The following ITGB1 variants were observed in gnomAD, a reference collection of about 807,000 sequenced individuals.
ITGB1 encodes integrin beta-1.
A neutral mutation model predicts 86.5 loss-of-function variants in ITGB1; 24 were observed. The observed-to-expected ratio is 0.28, with a 90% CI of 0.20 to 0.39. The LOEUF (loss-of-function observed/expected upper bound fraction) is 0.39, where lower values mean the gene tolerates loss of function less well. ITGB1 is among the 10% of genes least tolerant of loss of function. The pLI is 1.00. For synonymous variants in ITGB1, 323 were observed against 316.8 expected, an observed-to-expected ratio of 1.02 and a Z score of -0.21; for missense variants, 556 against 946.9, an observed-to-expected ratio of 0.59 and a Z score of 5.42.
chr10:32,913,138 A>T (rs2094919049), intron 11 of ITGB1, among the ~76,000 whole-genome samples: 1 of 152,168 alleles, frequency 6.6e-6, no homozygotes, highest in Admixed American at 6.5e-5. Context: ...CAGAAAGGAC[A>T]TCCACACCAA....
chr10:32,944,832 C>T, intron 1 of ITGB1: 1 of 1,069,480 alleles, frequency 9.4e-7, no homozygotes, highest in Non-Finnish European at 1.4e-6. Flanking sequence ...ACTGTGGGCA[C>T]TGATGATCTG....
intron 3 of ITGB1, among the ~76,000 whole-genome samples, chr10:32,931,525 G>C (rs910435506): frequency 6.6e-6 from 1 of 152,108 alleles, no homozygotes; most frequent in African/African-American, 2.4e-5. Context: ...AAGAGCTTCA[G>C]TTACATAAGC....
At chr10:32,902,512 C>T (rs2094884501) in intron 15 of ITGB1, among the ~76,000 whole-genome samples, 1 of 152,076 alleles carries the variant, frequency 6.6e-6, no homozygotes, top group South Asian at 2.1e-4. Flanking sequence ...GGCTTGAAAG[C>T]CAAGTGAGAA....
chr10:32,944,028 G>C (rs2488335), intron 1 of ITGB1, among the ~76,000 whole-genome samples: 74,238 of 152,042 alleles, frequency 0.49, 21,494 homozygotes, highest in Non-Finnish European at 0.66. Flanking sequence ...ACGTGCCCAG[G>C]GACAGACAAG....
intron 15 of ITGB1, among the ~76,000 whole-genome samples, chr10:32,904,036 A>G (rs931399342): frequency 2.6e-5 from 4 of 151,870 alleles, no homozygotes; most frequent in African/African-American, 9.7e-5. Context: ...AATAAAGAAA[A>G]AAAGCCCTAT....
chr10:32,923,851 C>G (rs1036954791), intron 6 of ITGB1, 111 bp from the exon 7 acceptor site: 10 of 859,954 alleles, frequency 1.2e-5, no homozygotes, highest in Admixed American at 2.9e-5. Flanking sequence ...TCTGTATTTT[C>G]TGTGTCTTCT....
chr10:32,938,844 G>A (rs145027375), intron 1 of ITGB1, among the ~76,000 whole-genome samples: 161 of 152,316 alleles, frequency 1.1e-3, no homozygotes, highest in African/African-American at 3.7e-3. Flanking sequence ...ACACAGAAGA[G>A]CTACAGGACC....
intron 1 of ITGB1, among the ~76,000 whole-genome samples, chr10:32,941,308 G>A (rs981472156): frequency 6.6e-6 from 1 of 152,166 alleles, no homozygotes; most frequent in Non-Finnish European, 1.5e-5. Flanking sequence ...TAGAAAAAAA[G>A]ACTAGAAAAA....
At chr10:32,901,760 G>C (rs913514704) in intron 15 of ITGB1, 125 bp from the exon 16 acceptor site, 4 of 628,118 alleles carry the variant, frequency 6.4e-6, no homozygotes, top group Non-Finnish European at 1.1e-5. Flanking sequence ...TATTTGTCCA[G>C]ATATCACAGT....
At chr10:32,937,583 TAC>T (rs2095006975) in intron 1 of ITGB1, among the ~76,000 whole-genome samples, 1 of 145,542 alleles carries the variant, frequency 6.9e-6, no homozygotes, top group South Asian at 2.2e-4. Context: ...AAAAAAGAGT[TAC>T]AAAATAATTT....
At chr10:32,920,479 T>C in intron 9 of ITGB1, 94 bp from the exon 10 acceptor site, 2 of 1,153,566 alleles carry the variant, frequency 1.7e-6, no homozygotes, top group Non-Finnish European at 2.5e-6. Context: ...AAAAAATATA[T>C]TTCAATAAAG....
chr10:32,919,830 C>T, intron 11 of ITGB1, 55 bp downstream of exon 11: 2 of 1,488,230 alleles, frequency 1.3e-6, no homozygotes, highest in East Asian at 2.3e-5. Context: ...ATATGACCTG[C>T]CTATACTCTC....
intron 1 of ITGB1, among the ~76,000 whole-genome samples, chr10:32,957,303 G>T (rs922123190): frequency 9.2e-5 from 14 of 152,186 alleles, no homozygotes; most frequent in African/African-American, 3.4e-4. Context: ...TTAGAGAGTA[G>T]GAGTCTCATA....
chr10:32,915,769 A>T (rs1197484582), intron 11 of ITGB1, among the ~76,000 whole-genome samples: 1 of 152,216 alleles, frequency 6.6e-6, no homozygotes. Context: ...TTCTGAAACT[A>T]TTCCAATCAA....
At chr10:32,921,156 G>GC (rs201356944) in intron 9 of ITGB1, among the ~76,000 whole-genome samples, 1,216 of 114,176 alleles carry the variant, frequency 0.011, 8 homozygotes, top group Non-Finnish European at 0.016. Flanking sequence ...AACCATTGTA[G>GC]CCCAGCCAAA....
At position 32,908,350 on chromosome 10, in the gene ITGB1, G is replaced by A; in HGVS notation, c.2331+18C>T. ...TACTTTATAAGCCACTTTGCTTTTT[G>A]GATGTTTTGTAACTTACCGTGTCCC... On this transcript the variant is annotated intron_variant, in intron 15 of 15. Transcript: ENST00000302278. 1 of 1,612,488 alleles carries A rather than the reference G, an allele frequency of 6.2e-7. No individual in the cohort carries two copies. The highest frequency in any genetic ancestry group is 8.5e-7 in the Non-Finnish European group (1 of 1,178,654).
At chr10:32,901,687 G>T in intron 15 of ITGB1, 52 bp from the exon 16 acceptor site, 2 of 1,157,482 alleles carry the variant, frequency 1.7e-6, no homozygotes, top group Non-Finnish European at 2.6e-6. Flanking sequence ...CTAAAATTAT[G>T]TAGAATAATT....
chr10:32,935,260 T>C (rs966307912), intron 2 of ITGB1, among the ~76,000 whole-genome samples: 4 of 152,198 alleles, frequency 2.6e-5, no homozygotes, highest in Non-Finnish European at 4.4e-5. Flanking sequence ...GTTCAATCCC[T>C]AGCATTTTAG....
At chr10:32,923,268 T>C (rs1293374390) in intron 7 of ITGB1, among the ~76,000 whole-genome samples, 1 of 152,152 alleles carries the variant, frequency 6.6e-6, no homozygotes, top group East Asian at 1.9e-4. Context: ...CTAGATAAAT[T>C]ATTTATTTAG....
Sources: gnomAD v4.1 joint callset for allele counts (sites outside exome capture counted in the v4.1 genomes callset) on GRCh38, gnomAD v4.1.1 for gene constraint, MANE v1.5 for transcripts, NCBI Gene and HGNC (gene_info 2026-07-23, HGNC 2026-07-21) for gene names.